DYNC1I1: variants seen among roughly 807,000 people sequenced by gnomAD.
The protein encoded by DYNC1I1 is dynein cytoplasmic 1 intermediate chain 1.
In DYNC1I1, 43 loss-of-function variants were observed where a neutral mutation model predicts 86.6. That is an observed-to-expected ratio of 0.50 (90% CI 0.39 to 0.64). The LOEUF is 0.64. Among genes scored for constraint, DYNC1I1 ranks in the 30% least tolerant of loss-of-function variants. DYNC1I1 has a pLI of 0.00. For missense variants in DYNC1I1, 604 were observed against 788.8 expected, an observed-to-expected ratio of 0.77 and a Z score of 2.81; for synonymous variants, 262 against 283.7, an observed-to-expected ratio of 0.92 and a Z score of 0.77.
chr7:96,010,122 G>A (rs1397673662), intron 10 of DYNC1I1, among the ~76,000 whole-genome samples: 2 of 152,010 alleles, frequency 1.3e-5, no homozygotes, highest in Non-Finnish European at 2.9e-5. Context: ...TGATAAATAC[G>A]ACCTGTTCCT....
intron 6 of DYNC1I1, among the ~76,000 whole-genome samples, chr7:95,879,134 C>T (rs951974096): frequency 1.3e-5 from 2 of 151,938 alleles, no homozygotes; most frequent in African/African-American, 4.8e-5. Flanking sequence ...GAGAGTAATT[C>T]AAATCTATAG....
chr7:96,097,268 C>T (rs1791042017), intron 16 of DYNC1I1, among the ~76,000 whole-genome samples: 1 of 152,110 alleles, frequency 6.6e-6, no homozygotes, highest in Non-Finnish European at 1.5e-5. Context: ...TATGTGAGTG[C>T]TTTTGCTTCC....
intron 6 of DYNC1I1, among the ~76,000 whole-genome samples, chr7:95,937,989 T>A (rs1041493505): frequency 1.3e-5 from 2 of 152,072 alleles, no homozygotes; most frequent in Non-Finnish European, 2.9e-5. Context: ...ATTGTACCCA[T>A]CTCCTCCAGT....
intron 14 of DYNC1I1, among the ~76,000 whole-genome samples, chr7:96,057,272 G>A (rs528421494): frequency 6.6e-6 from 1 of 152,258 alleles, no homozygotes; most frequent in East Asian, 1.9e-4. Flanking sequence ...CAGTCTGTGC[G>A]AGTCAGAGTC....
At chr7:96,002,141 C>A (rs1274184550) in intron 10 of DYNC1I1, among the ~76,000 whole-genome samples, 4 of 152,112 alleles carry the variant, frequency 2.6e-5, no homozygotes, top group African/African-American at 9.7e-5. Context: ...GGAGGTGAGA[C>A]CCTCTCCACA....
chr7:95,977,658 T>A, intron 7 of DYNC1I1, 57 bp downstream of exon 7: 4 of 1,530,046 alleles, frequency 2.6e-6, no homozygotes, highest in Admixed American at 1.9e-5. Context: ...TGTTTGCCTT[T>A]ACTAATATAA....
chr7:95,987,501 C>T (rs1235013161), intron 9 of DYNC1I1, among the ~76,000 whole-genome samples: 1 of 152,170 alleles, frequency 6.6e-6, no homozygotes, highest in East Asian at 1.9e-4. Flanking sequence ...TTCCTTGTGC[C>T]TATAGAAACA....
intron 9 of DYNC1I1, among the ~76,000 whole-genome samples, chr7:95,995,396 G>C (rs1157081857): frequency 6.6e-6 from 1 of 152,194 alleles, no homozygotes; most frequent in African/African-American, 2.4e-5. Flanking sequence ...ATTTTTCTAT[G>C]TGTTACAATT....
intron 10 of DYNC1I1, among the ~76,000 whole-genome samples, chr7:96,026,947 A>G (rs559533421): frequency 5.0e-4 from 76 of 152,298 alleles, no homozygotes; most frequent in African/African-American, 1.8e-3. Context: ...CAAGGCTGCT[A>G]CTTGGGTGTG....
chr7:95,786,190 C>T (rs1182061920), intron 1 of DYNC1I1, among the ~76,000 whole-genome samples: 1 of 152,040 alleles, frequency 6.6e-6, no homozygotes, highest in Non-Finnish European at 1.5e-5. Context: ...CCAAACATTC[C>T]CCTTTCCAAC....
At chr7:96,011,828 G>T (rs1003670295) in intron 10 of DYNC1I1, among the ~76,000 whole-genome samples, 1 of 152,096 alleles carries the variant, frequency 6.6e-6, no homozygotes, top group Admixed American at 6.6e-5. Context: ...GGTATAACTG[G>T]CATTTGGCAA....
Position 96,076,067 on chromosome 7 carries a change from C to A in DYNC1I1, c.1520C>A (p.Pro507Gln). 1 of 1,613,728 alleles carries A rather than the reference C, an allele frequency of 6.2e-7. No homozygotes were observed. The highest frequency in any genetic ancestry group is 8.5e-7 in the Non-Finnish European group (1 of 1,179,712). The change falls in exon 15 of 17, where the codon CCG becomes CAG. Residue 507 changes from proline to glutamine, a missense_variant. By Grantham distance (76) the Pro-to-Gln change is moderately conservative. Transcript: ENST00000447467. ...CTCTCTGCTTTACAGCACAACAAGC[C>A]GCTCTACTCCTTTGAAGACAATGCA... ...VKLWTTKHNK[P>Q]LYSFEDNADY...
chr7:95,884,633 A>G (rs1790542671), intron 6 of DYNC1I1, among the ~76,000 whole-genome samples: 1 of 152,078 alleles, frequency 6.6e-6, no homozygotes. Flanking sequence ...AGTTAAAAGG[A>G]TAATAGAGAC....
intron 14 of DYNC1I1, among the ~76,000 whole-genome samples, chr7:96,065,318 T>C (rs751876674): frequency 2.6e-5 from 4 of 151,854 alleles, no homozygotes; most frequent in Non-Finnish European, 4.4e-5. Flanking sequence ...ATGCTCAAAA[T>C]TTCCTCCATA....
intron 6 of DYNC1I1, among the ~76,000 whole-genome samples, chr7:95,913,166 G>A (rs550500406): frequency 5.8e-4 from 88 of 152,218 alleles, no homozygotes; most frequent in Non-Finnish European, 1.0e-3. Context: ...GTTCTATCCT[G>A]GGTGGGAAAA....
intron 6 of DYNC1I1, among the ~76,000 whole-genome samples, chr7:95,897,232 C>G (rs10234182): frequency 1.0e-3 from 159 of 152,262 alleles, no homozygotes; most frequent in African/African-American, 3.6e-3. Flanking sequence ...AGCAACAAAC[C>G]AGAGAAAGTC....
intron 6 of DYNC1I1, among the ~76,000 whole-genome samples, chr7:95,938,029 A>G (rs1792095469): frequency 6.6e-6 from 1 of 152,020 alleles, no homozygotes; most frequent in Non-Finnish European, 1.5e-5. Context: ...ACTTGGGCCC[A>G]CTTCTTCCTT....
intron 6 of DYNC1I1, among the ~76,000 whole-genome samples, chr7:95,928,960 C>T (rs1422029497): frequency 1.3e-5 from 2 of 152,164 alleles, no homozygotes; most frequent in African/African-American, 2.4e-5. Flanking sequence ...CTTCCGTCCC[C>T]AAACTTACCG....
chr7:96,068,219 C>T (rs928255958), intron 14 of DYNC1I1, among the ~76,000 whole-genome samples: 6 of 152,068 alleles, frequency 3.9e-5, no homozygotes, highest in Admixed American at 6.6e-5. Flanking sequence ...GATTTCCATT[C>T]GGCTTTAGTG....
Sources: allele counts gnomAD v4.1 joint callset (sites outside exome capture counted in the v4.1 genomes callset), GRCh38; gene constraint gnomAD v4.1.1; transcripts MANE v1.5; gene names NCBI Gene and HGNC (gene_info 2026-07-23, HGNC 2026-07-21).